Variants in SCHIP1 observed in about 807,000 individuals in gnomAD.
The protein encoded by SCHIP1 is schwannomin interacting protein 1, also known as schwannomin-interacting protein 1.
A neutral mutation model predicts 29.7 loss-of-function variants in SCHIP1; 8 were observed. That is an observed-to-expected ratio of 0.27 (90% CI 0.16 to 0.49). The LOEUF is 0.49. Ranked by LOEUF, SCHIP1 falls within the 20% of genes least tolerant of loss-of-function variation. SCHIP1 has a pLI of 0.99. For missense variants in SCHIP1, 193 were observed against 294.6 expected (o/e 0.66, Z 2.52); for synonymous variants, 76 against 94.9 (o/e 0.80, Z 1.16).
the SCHIP1 span, among the ~76,000 whole-genome samples, chr3:159,819,447 C>T: frequency 6.6e-6 from 1 of 152,216 alleles, no homozygotes; most frequent in Non-Finnish European, 1.5e-5. Context: ...ATTTTAAAAC[C>T]ACCTACCTTC....
chr3:159,321,774 C>T, the SCHIP1 span, among the ~76,000 whole-genome samples: 9 of 151,958 alleles, frequency 5.9e-5, 1 homozygote, highest in South Asian at 2.1e-4. Context: ...TCATCACCTA[C>T]GCAGGTAAAG....
chr3:159,462,222 A>T, the SCHIP1 span, among the ~76,000 whole-genome samples: 2 of 152,134 alleles, frequency 1.3e-5, no homozygotes, highest in Non-Finnish European at 2.9e-5. Flanking sequence ...AAAATAAAAA[A>T]TAAAAAATAA....
chr3:159,568,606 G>T, the SCHIP1 span, among the ~76,000 whole-genome samples: 1 of 151,916 alleles, frequency 6.6e-6, no homozygotes, highest in Admixed American at 6.6e-5. Flanking sequence ...TGCTGGAATT[G>T]GTTTCTTAAT....
the SCHIP1 span, among the ~76,000 whole-genome samples, chr3:159,373,939 CAAGT>C: frequency 6.6e-6 from 1 of 152,112 alleles, no homozygotes; most frequent in African/African-American, 2.4e-5. Flanking sequence ...GTAATACTCA[CAAGT>C]AAGATTACTG....
chr3:159,743,216 G>T, the SCHIP1 span, among the ~76,000 whole-genome samples: 1 of 152,120 alleles, frequency 6.6e-6, no homozygotes, highest in South Asian at 2.1e-4. Flanking sequence ...TGGTTTTTCT[G>T]AGTCTGGATT....
chr3:159,823,373 A>G, the SCHIP1 span, among the ~76,000 whole-genome samples: 11 of 152,228 alleles, frequency 7.2e-5, no homozygotes, highest in Non-Finnish European at 1.3e-4. Flanking sequence ...GGTGTCCTAC[A>G]GTTCCTGCAT....
the SCHIP1 span, among the ~76,000 whole-genome samples, chr3:159,556,641 C>T: frequency 6.6e-6 from 1 of 151,324 alleles, no homozygotes; most frequent in Non-Finnish European, 1.5e-5. Flanking sequence ...AATTGGAAAT[C>T]ATAATTCTCA....
the SCHIP1 span, among the ~76,000 whole-genome samples, chr3:159,398,056 G>A: frequency 4.6e-5 from 7 of 152,178 alleles, no homozygotes; most frequent in Non-Finnish European, 1.0e-4. Flanking sequence ...CATTGGAAAA[G>A]CGCAGTATTC....
the SCHIP1 span, among the ~76,000 whole-genome samples, chr3:159,672,133 C>T: frequency 1.3e-5 from 2 of 152,196 alleles, no homozygotes; most frequent in African/African-American, 4.8e-5. Context: ...ACAGAATGTC[C>T]TCCTGCTGCT....
intron 1 of SCHIP1, among the ~76,000 whole-genome samples, chr3:159,863,431 G>C (rs1714267162): frequency 6.6e-6 from 1 of 152,058 alleles, no homozygotes; most frequent in African/African-American, 2.4e-5. Flanking sequence ...AGGATGGAAT[G>C]ATATGCAACC....
Position 159,886,334 on chromosome 3 carries a change from A to G in SCHIP1, c.267+10A>G, listed in dbSNP as rs377750078. ...CCCCTTGTCTCCCATGGTGAGTCCA[A>G]ACAGCACCAGCTGAAGCTCGGTGTT... On this transcript the variant is annotated intron_variant, in intron 3 of 6. Transcript: ENST00000445224. 7 of 1,612,256 alleles carry G rather than the reference A, an allele frequency of 4.3e-6. No homozygotes were observed. The highest frequency in any genetic ancestry group is 1.1e-5 in the South Asian group (1 of 90,928).
chr3:159,806,146 T>C, the SCHIP1 span, among the ~76,000 whole-genome samples: 1 of 152,202 alleles, frequency 6.6e-6, no homozygotes, highest in Non-Finnish European at 1.5e-5. Flanking sequence ...CAATCAATTG[T>C]GTTTTGAAGC....
the SCHIP1 span, among the ~76,000 whole-genome samples, chr3:159,557,148 G>C: frequency 6.6e-6 from 1 of 151,512 alleles, no homozygotes; most frequent in African/African-American, 2.4e-5. Flanking sequence ...TAGTAGAGAC[G>C]AGGTTTCACC....
At chr3:159,357,949 G>T in the SCHIP1 span, among the ~76,000 whole-genome samples, 3 of 152,210 alleles carry the variant, frequency 2.0e-5, no homozygotes, top group Non-Finnish European at 4.4e-5. Context: ...AAGAACAGCT[G>T]ATTCTGCCCC....
the SCHIP1 span, among the ~76,000 whole-genome samples, chr3:159,597,666 T>C: frequency 6.6e-6 from 1 of 152,190 alleles, no homozygotes; most frequent in Non-Finnish European, 1.5e-5. Context: ...CCACATTTTA[T>C]CCATTCACGC....
At chr3:159,420,334 T>G in the SCHIP1 span, among the ~76,000 whole-genome samples, 1 of 152,222 alleles carries the variant, frequency 6.6e-6, no homozygotes, top group East Asian at 1.9e-4. Flanking sequence ...CTTTCTGGAA[T>G]GGAGGATGGT....
At chr3:159,717,332 A>G in the SCHIP1 span, among the ~76,000 whole-genome samples, 1 of 152,230 alleles carries the variant, frequency 6.6e-6, no homozygotes, top group Non-Finnish European at 1.5e-5. Flanking sequence ...CTGGAGAAGC[A>G]AGAGCAAACA....
At chr3:159,703,929 G>A in the SCHIP1 span, among the ~76,000 whole-genome samples, 1 of 152,210 alleles carries the variant, frequency 6.6e-6, no homozygotes, top group African/African-American at 2.4e-5. Context: ...TAAAGCCAAA[G>A]GCTCACATCC....
chr3:159,803,322 T>G, the SCHIP1 span, among the ~76,000 whole-genome samples: 2 of 152,160 alleles, frequency 1.3e-5, no homozygotes, highest in Non-Finnish European at 2.9e-5. Context: ...GAAAGATTAC[T>G]TCCATTCCAG....
Sources: allele counts gnomAD v4.1 joint callset (sites outside exome capture counted in the v4.1 genomes callset), GRCh38; gene constraint gnomAD v4.1.1; transcripts MANE v1.5; gene names NCBI Gene and HGNC (gene_info 2026-07-23, HGNC 2026-07-21).